Variants in RHOBTB2 observed in about 807,000 individuals in gnomAD.
RHOBTB2 encodes the protein rho-related BTB domain-containing protein 2.
A neutral mutation model predicts 66.5 loss-of-function variants in RHOBTB2; 39 were observed. The ratio of observed to expected loss-of-function variants is 0.59; its 90% CI spans 0.45 to 0.77. The LOEUF is 0.77. Ranked by LOEUF, RHOBTB2 falls within the 30% of genes least tolerant of loss-of-function variation. The pLI is 0.00. For missense variants in RHOBTB2, 755 were observed against 999.1 expected (o/e 0.76, Z 3.29); for synonymous variants, 390 against 395.0 (o/e 0.99, Z 0.15).
Position 23,005,457 on chromosome 8 carries a change from G to A in RHOBTB2, c.278G>A (p.Arg93His), listed in dbSNP as rs1407992993. 4.3e-6 allele frequency: 7 copies of A among 1,613,192 alleles called. No individual in the cohort carries two copies. The highest frequency in any genetic ancestry group is 5.9e-6 in the Non-Finnish European group (7 of 1,179,300). ...ACCTTTGGAGACCACCACAAAGACCGTCGCTTTGCTTATGGGAGGTAGGGA... is the reference window on the plus strand; with the variant it reads ...ACCTTTGGAGACCACCACAAAGACCATCGCTTTGCTTATGGGAGGTAGGGA... ...WDTFGDHHKD[R>H]RFAYGRSDVV... Residue 93 changes from arginine to histidine, a missense_variant, in exon 3 of 10, where the codon CGT becomes CAT. Physicochemically the swap from Arg to His is conservative, Grantham distance 29. This residue lies in a region of RHOBTB2 where 65 missense variants were observed against 152.4 expected (regional missense o/e 0.43). Transcript: ENST00000251822.
At chr8:22,973,722 T>C in the RHOBTB2 span, among the ~76,000 whole-genome samples, 2 of 152,130 alleles carry the variant, frequency 1.3e-5, no homozygotes, top group East Asian at 3.9e-4. Context: ...ATCTCCCTCC[T>C]TGCTAAGGCA....
the RHOBTB2 span, among the ~76,000 whole-genome samples, chr8:22,956,341 C>T: frequency 6.6e-6 from 1 of 152,252 alleles, no homozygotes; most frequent in Middle Eastern, 3.4e-3. Context: ...GGAGGTGGGG[C>T]CTGGTGGGAG....
chr8:22,960,603 G>C, the RHOBTB2 span, among the ~76,000 whole-genome samples: 4 of 152,234 alleles, frequency 2.6e-5, no homozygotes, highest in Admixed American at 1.3e-4. Context: ...ATAGGCATGC[G>C]CTGCACCCGG....
chr8:22,974,687 G>A, the RHOBTB2 span, among the ~76,000 whole-genome samples: 1 of 152,154 alleles, frequency 6.6e-6, no homozygotes, highest in Admixed American at 6.5e-5. Context: ...AGTTTAATTG[G>A]CCATCAAGCC....
At chr8:22,978,654 G>A in the RHOBTB2 span, among the ~76,000 whole-genome samples, 1 of 151,030 alleles carries the variant, frequency 6.6e-6, no homozygotes, top group Non-Finnish European at 1.5e-5. Flanking sequence ...CACGTAACAG[G>A]AGGCTAGAAG....
the RHOBTB2 span, among the ~76,000 whole-genome samples, chr8:22,963,581 G>A: frequency 2.0e-5 from 3 of 151,756 alleles, no homozygotes; most frequent in Admixed American, 6.6e-5. Flanking sequence ...TTCTCACGCC[G>A]CTGATAAAGA....
intron 6 of RHOBTB2, among the ~76,000 whole-genome samples, chr8:23,009,771 G>A (rs780403436): frequency 4.6e-5 from 7 of 152,180 alleles, no homozygotes; most frequent in Middle Eastern, 3.2e-3. Context: ...TCTGAAGTGG[G>A]AGTAGGATTT....
chr8:23,007,632 A>G lies in RHOBTB2; in HGVS notation c.1387A>G (p.Met463Val). The G allele has an allele frequency of 6.2e-7, 1 of 1,614,170 alleles. No individual in the cohort carries two copies. Among genetic ancestry groups the G allele is most frequent in the Non-Finnish European group, 8.5e-7 (1 of 1,180,042 alleles). The change falls in exon 5 of 10, where the codon ATG becomes GTG. Residue 463 changes from methionine (M) to valine (V), a missense_variant. Coordinates refer to ENST00000251822, the MANE Select transcript of RHOBTB2 (RefSeq NM_015178.3). ...GCTCGAGGTCTTTGATCTGCGCATG[A>G]TGGTGGCCAACATTCTCAACAATGA... The part of the protein sequence containing the change: ...ELLEVFDLRM[M>V]VANILNNEAF...
At chr8:23,000,209 G>A (rs1810731268) in intron 1 of RHOBTB2, 104 bp downstream of exon 1, 4 of 779,172 alleles carry the variant, frequency 5.1e-6, no homozygotes, top group Non-Finnish European at 6.2e-6. Flanking sequence ...ACGTTCCCCG[G>A]GCCCCGCTAG....
exon 2 of RHOBTB2, chr8:22,992,099 T>C (rs896141155): frequency 6.6e-5 from 10 of 152,222 alleles, no homozygotes; most frequent in African/African-American, 2.4e-4. Context: ...AGTGGACCAC[T>C]TCTGAAGGTC....
At chr8:22,965,405 C>CT in the RHOBTB2 span, among the ~76,000 whole-genome samples, 1 of 142,020 alleles carries the variant, frequency 7.0e-6, no homozygotes, top group Non-Finnish European at 1.6e-5. Context: ...CCCAATTATG[C>CT]TTTTTTGCAG....
the RHOBTB2 span, among the ~76,000 whole-genome samples, chr8:22,973,221 C>A: frequency 6.6e-6 from 1 of 152,066 alleles, no homozygotes; most frequent in African/African-American, 2.4e-5. Flanking sequence ...TTCTTTCTTA[C>A]ATTTGTTTGT....
intron 2 of RHOBTB2, among the ~76,000 whole-genome samples, chr8:22,992,867 G>A (rs1419564257): frequency 6.6e-6 from 1 of 152,232 alleles, no homozygotes; most frequent in African/African-American, 2.4e-5. Flanking sequence ...GCCAGGGTAG[G>A]GAGGACTGGG....
chr8:22,958,904 C>T, the RHOBTB2 span, among the ~76,000 whole-genome samples: 2 of 151,686 alleles, frequency 1.3e-5, no homozygotes, highest in Non-Finnish European at 2.9e-5. Context: ...AAGCCAGCAT[C>T]ACACAAACAC....
At chr8:22,962,179 C>CAAAAAAAAAAAAAAAAAAAAA in the RHOBTB2 span, among the ~76,000 whole-genome samples, 21 of 13,838 alleles carry the variant, frequency 1.5e-3, 1 homozygote, top group Non-Finnish European at 1.9e-3. Context: ...AACGAATTTA[C>CAAAAAAAAAAAAAAAAAAAAA]AAAAAAAAAA....
intron 1 of RHOBTB2, among the ~76,000 whole-genome samples, chr8:22,990,165 G>A (rs1361026598): frequency 6.6e-6 from 1 of 152,154 alleles, no homozygotes; most frequent in African/African-American, 2.4e-5. Flanking sequence ...ACTAGCGAGA[G>A]CTTAACATGC....
At chr8:22,974,125 T>C in the RHOBTB2 span, among the ~76,000 whole-genome samples, 7 of 152,156 alleles carry the variant, frequency 4.6e-5, no homozygotes, top group East Asian at 9.7e-4. Flanking sequence ...AGTTTGCTGA[T>C]ATATGGTTGG....
chr8:22,957,889 C>G, the RHOBTB2 span, among the ~76,000 whole-genome samples: 1 of 152,082 alleles, frequency 6.6e-6, no homozygotes, highest in African/African-American at 2.4e-5. Context: ...GGGGTGATTA[C>G]CCTTATCTTG....
At chr8:23,001,015 C>G (rs763087830) in intron 1 of RHOBTB2, among the ~76,000 whole-genome samples, 2 of 151,640 alleles carry the variant, frequency 1.3e-5, no homozygotes, top group Non-Finnish European at 2.9e-5. Context: ...GGGGGTGGGA[C>G]TGGGAGAGCA....
Sources: allele counts gnomAD v4.1 joint callset (sites outside exome capture counted in the v4.1 genomes callset), GRCh38; gene constraint gnomAD v4.1.1; regional missense constraint gnomAD v4.1.1; transcripts MANE v1.5; gene names NCBI Gene and HGNC (gene_info 2026-07-23, HGNC 2026-07-21).